MTMR8: variants seen among roughly 807,000 people sequenced by gnomAD.
MTMR8 encodes myotubularin related protein 8, also known as phosphatidylinositol-3,5-bisphosphate 3-phosphatase MTMR8.
A neutral mutation model predicts 39.3 loss-of-function variants in MTMR8; 65 were observed. That is an observed-to-expected ratio of 1.65 (90% CI 1.35 to 2.03). The LOEUF (loss-of-function observed/expected upper bound fraction) is 2.03. Ranked by LOEUF, MTMR8 falls within the 30% of genes most tolerant of loss-of-function variation. The pLI, the probability that MTMR8 is intolerant of heterozygous loss-of-function variation, is 0.00. For synonymous variants in MTMR8, 245 were observed against 185.2 expected (o/e 1.32, Z -2.62); for missense variants, 777 against 538.9 (o/e 1.44, Z -4.37).
chrX:64,308,431 A>C (rs1922195103), intron 12 of MTMR8, among the ~76,000 whole-genome samples: 1 of 106,709 alleles, frequency 9.4e-6, no homozygotes, highest in African/African-American at 3.4e-5. Flanking sequence ...GGCCTCCCAA[A>C]GTGCTGGGAT....
At chrX:64,305,843 T>A (rs1395069554) in intron 12 of MTMR8, 7 of 307,441 alleles carry the variant, frequency 2.3e-5, no homozygotes, top group Non-Finnish European at 3.6e-5. Context: ...AGGCTGGGCA[T>A]GGTGGCTCAC....
Position 64,348,726 on chromosome X carries a change from CA to C in MTMR8, c.665del (p.Leu222CysfsTer18). On this transcript the variant is annotated frameshift_variant, in exon 6 of 14. Coordinates refer to ENST00000374852, the MANE Select transcript of MTMR8 (RefSeq NM_017677.4). LOFTEE classifies it high-confidence loss of function. ...FYTRCVDDEL[L>X]LEAISQTNPG... ...GGTTTGTTTGGCTAATGGCCTCCAA[CA>C]AGAGCTCATCATCTACACAGCGAGT... 8.3e-7 allele frequency: 1 copy of C among 1,210,805 alleles called. No homozygotes were observed. Among genetic ancestry groups the C allele is most frequent in the Non-Finnish European group, 1.1e-6 (1 of 894,826 alleles).
intron 13 of MTMR8, 58 bp from the exon 14 acceptor site, chrX:64,269,101 A>G (rs1931698597): frequency 5.4e-6 from 6 of 1,112,838 alleles, no homozygotes; most frequent in Non-Finnish European, 7.3e-6. Flanking sequence ...AAACTAGGCA[A>G]ACATTACCTT....
chrX:64,286,275 G>A (rs1921172310), intron 12 of MTMR8, among the ~76,000 whole-genome samples: 1 of 110,791 alleles, frequency 9.0e-6, no homozygotes, highest in African/African-American at 3.3e-5. Flanking sequence ...GAGCAAACCA[G>A]GAAGATGTTG....
At chrX:64,322,032 G>C (rs1457862795) in intron 12 of MTMR8, among the ~76,000 whole-genome samples, 1 of 108,988 alleles carries the variant, frequency 9.2e-6, no homozygotes, top group Non-Finnish European at 1.9e-5. Context: ...GTCGAATTCT[G>C]TTTGTTAGTA....
At chrX:64,304,184 G>T (rs1921999293) in intron 12 of MTMR8, among the ~76,000 whole-genome samples, 1 of 112,181 alleles carries the variant, frequency 8.9e-6, no homozygotes, top group Non-Finnish European at 1.9e-5. Flanking sequence ...CAGGGGCGGG[G>T]AGGAAAAGGG....
intron 12 of MTMR8, among the ~76,000 whole-genome samples, chrX:64,301,650 G>T (rs993477470): frequency 2.7e-5 from 3 of 111,758 alleles, no homozygotes; most frequent in East Asian, 5.7e-4. Context: ...GAGGAGAGGT[G>T]CTCTGCGTTT....
In MTMR8 at chrX:64,348,726, C is replaced by A. The variant is rs756059982; in HGVS notation, c.666G>T (p.Leu222Phe). Reference protein sequence around the residue: ...FYTRCVDDELLLEAISQTNPG... With the variant: ...FYTRCVDDELFLEAISQTNPG... ...GGTTTGTTTGGCTAATGGCCTCCAACAAGAGCTCATCATCTACACAGCGAG... is the reference window on the plus strand; with the variant it reads ...GGTTTGTTTGGCTAATGGCCTCCAAAAAGAGCTCATCATCTACACAGCGAG... The change falls in exon 6 of 14, where the codon TTG (leucine) becomes TTT (phenylalanine). Residue 222 changes from leucine to phenylalanine, a missense_variant. Leu to Phe is a conservative substitution (Grantham distance 22). Transcript: ENST00000374852. The A allele has an allele frequency of 8.3e-7, 1 of 1,210,805 alleles. No homozygotes were observed.
chrX:64,376,386 G>A (rs1322247334), intron 1 of MTMR8, among the ~76,000 whole-genome samples: 1 of 111,947 alleles, frequency 8.9e-6, no homozygotes, highest in African/African-American at 3.2e-5. Context: ...TAAAGTCCAG[G>A]CTGAGGTGGT....
At chrX:64,325,863 T>C (rs762238597) in intron 12 of MTMR8, among the ~76,000 whole-genome samples, 33 of 111,791 alleles carry the variant, frequency 3.0e-4, no homozygotes, top group African/African-American at 1.0e-3. Flanking sequence ...TGGTTGCAGA[T>C]GACATGAGTG....
intron 1 of MTMR8, among the ~76,000 whole-genome samples, chrX:64,371,439 T>C (rs1924129147): frequency 8.9e-6 from 1 of 112,163 alleles, no homozygotes; most frequent in African/African-American, 3.2e-5. Context: ...GGTATGCTTA[T>C]ACAGTGCTGA....
intron 4 of MTMR8, 151 bp from the exon 5 acceptor site, chrX:64,350,221 T>A: frequency 4.3e-6 from 1 of 232,016 alleles, no homozygotes; most frequent in East Asian, 1.1e-4. Context: ...ACACCTAAAA[T>A]GTCAACACCT....
intron 12 of MTMR8, among the ~76,000 whole-genome samples, chrX:64,303,295 C>T (rs192538523): frequency 8.9e-6 from 1 of 111,733 alleles, no homozygotes; most frequent in Admixed American, 9.5e-5. Context: ...TTTATTTCTC[C>T]AAGACAGCCT....
In MTMR8 at chrX:64,268,491, T is replaced by C. The variant is rs1456504660; in HGVS notation, c.*46A>G. The stretch of plus-strand genomic sequence containing the variant: ...ATAGCCCTCTCTGGGACAAGAATCA[T>C]TGTAGCTGCTGTAGGTATACCTAGC... On this transcript the variant is annotated 3_prime_UTR_variant, in exon 14 of 14. Coordinates refer to ENST00000374852, the MANE Select transcript of MTMR8 (RefSeq NM_017677.4). The C allele has an allele frequency of 8.7e-7, 1 of 1,155,261 alleles. No individual in the cohort carries two copies. Among genetic ancestry groups the C allele is most frequent in the Non-Finnish European group, 1.2e-6 (1 of 867,813 alleles).
intron 12 of MTMR8, among the ~76,000 whole-genome samples, chrX:64,293,674 G>T (rs1921474888): frequency 9.0e-6 from 1 of 110,974 alleles, no homozygotes; most frequent in Admixed American, 9.6e-5. Flanking sequence ...CTGTAGTTTG[G>T]CTCTACAACA....
At chrX:64,308,668 C>T (rs748411225) in intron 12 of MTMR8, among the ~76,000 whole-genome samples, 1 of 111,020 alleles carries the variant, frequency 9.0e-6, no homozygotes, top group Non-Finnish European at 1.9e-5. Flanking sequence ...ATTAATAATA[C>T]CATTTCTATA....
chrX:64,375,323 C>A (rs1287844536), intron 1 of MTMR8, among the ~76,000 whole-genome samples: 3 of 108,862 alleles, frequency 2.8e-5, no homozygotes, highest in African/African-American at 1.0e-4. Flanking sequence ...CTACTGCACT[C>A]CACCCTGGGT....
chrX:64,320,774 C>T (rs868544861), intron 12 of MTMR8, among the ~76,000 whole-genome samples: 3 of 111,371 alleles, frequency 2.7e-5, no homozygotes, highest in Non-Finnish European at 3.8e-5. Flanking sequence ...TGTGAAAAGA[C>T]CCTAAGCTTT....
At chrX:64,307,457 A>G (rs1448517868) in intron 12 of MTMR8, among the ~76,000 whole-genome samples, 6 of 111,809 alleles carry the variant, frequency 5.4e-5, no homozygotes, top group African/African-American at 2.0e-4. Flanking sequence ...TCATTTGTTG[A>G]AAAGACTATC....
Sources: gnomAD v4.1 joint callset for allele counts (sites outside exome capture counted in the v4.1 genomes callset) on GRCh38, gnomAD v4.1.1 for gene constraint, MANE v1.5 for transcripts, NCBI Gene and HGNC (gene_info 2026-07-23, HGNC 2026-07-21) for gene names.